The following TAF4B variants were observed in gnomAD, a reference collection of about 807,000 sequenced individuals.
The protein encoded by TAF4B is transcription initiation factor TFIID subunit 4B.
A neutral mutation model predicts 86.4 loss-of-function variants in TAF4B; 38 were observed. The observed-to-expected ratio is 0.44, with a 90% CI of 0.34 to 0.58. TAF4B has a LOEUF of 0.58. Among genes scored for constraint, TAF4B ranks in the 20% least tolerant of loss-of-function variants. The probability of loss-of-function intolerance (pLI) is 0.02; values close to 1 mark genes in which losing one functional copy is unlikely to be tolerated. For missense variants in TAF4B, 988 were observed against 1,027.6 expected, an observed-to-expected ratio of 0.96 and a Z score of 0.53; for synonymous variants, 388 against 391.2, an observed-to-expected ratio of 0.99 and a Z score of 0.10.
chr18:26,255,686 A>T, intron 1 of TAF4B: 2 of 1,530,124 alleles, frequency 1.3e-6, no homozygotes, highest in South Asian at 2.4e-5. Context: ...TTCTACATAA[A>T]AACCTCAGTC....
At chr18:26,358,075 A>T (rs920032012) in intron 14 of TAF4B, among the ~76,000 whole-genome samples, 6 of 151,820 alleles carry the variant, frequency 4.0e-5, no homozygotes. Context: ...TAAATTTTTT[A>T]TTTCTGTACA....
intron 14 of TAF4B, among the ~76,000 whole-genome samples, chr18:26,363,051 A>G (rs2057342991): frequency 6.6e-6 from 1 of 152,166 alleles, no homozygotes. Flanking sequence ...GCCATTTTAT[A>G]TCAGGGACTT....
intron 11 of TAF4B, among the ~76,000 whole-genome samples, chr18:26,322,792 CTCT>C (rs1181151482): frequency 1.3e-5 from 2 of 151,782 alleles, no homozygotes; most frequent in Non-Finnish European, 2.9e-5. Context: ...GCTTAGTTTG[CTCT>C]TCTTTTTTTT....
At chr18:26,358,989 ATAT>A (rs1431945311) in intron 14 of TAF4B, among the ~76,000 whole-genome samples, 1 of 152,110 alleles carries the variant, frequency 6.6e-6, no homozygotes, top group East Asian at 1.9e-4. Flanking sequence ...AACATATGAA[ATAT>A]TCTCCCCCTC....
chr18:26,247,193 G>A (rs1045226745), intron 1 of TAF4B, among the ~76,000 whole-genome samples: 4 of 152,138 alleles, frequency 2.6e-5, no homozygotes, highest in Non-Finnish European at 4.4e-5. Flanking sequence ...CAGCTATATT[G>A]TCTCTAAAAT....
intron 9 of TAF4B, among the ~76,000 whole-genome samples, chr18:26,297,173 T>A (rs2056674328): frequency 6.6e-6 from 1 of 151,184 alleles, no homozygotes; most frequent in Non-Finnish European, 1.5e-5. Flanking sequence ...TCTCTAAATT[T>A]AACATTTTAT....
chr18:26,229,494 C>CTTTTTTTTTTT (rs34261854), intron 1 of TAF4B, among the ~76,000 whole-genome samples: 44 of 129,362 alleles, frequency 3.4e-4, no homozygotes, highest in Non-Finnish European at 4.5e-4. Flanking sequence ...TTCTTTCTTT[C>CTTTTTTTTTTT]TTTTTTTTTT....
intron 11 of TAF4B, among the ~76,000 whole-genome samples, chr18:26,322,689 C>G (rs2056972644): frequency 6.6e-6 from 1 of 151,978 alleles, no homozygotes; most frequent in Non-Finnish European, 1.5e-5. Flanking sequence ...TTTCAAATAA[C>G]CAACTTTTGG....
At chr18:26,234,871 A>G (rs1478748299) in intron 1 of TAF4B, among the ~76,000 whole-genome samples, 1 of 152,228 alleles carries the variant, frequency 6.6e-6, no homozygotes, top group East Asian at 1.9e-4. Flanking sequence ...TTCCTTTGGC[A>G]CGTAGTGTGC....
chr18:26,278,692 C>A (rs796756521), intron 5 of TAF4B, among the ~76,000 whole-genome samples: 2 of 150,180 alleles, frequency 1.3e-5, no homozygotes, highest in Admixed American at 6.7e-5. Flanking sequence ...CATTGCCTTT[C>A]TTACCGGTAG....
chr18:26,379,905 A>AT (rs528960470), intron 14 of TAF4B, among the ~76,000 whole-genome samples: 1 of 150,070 alleles, frequency 6.7e-6, no homozygotes, highest in Non-Finnish European at 1.5e-5. Flanking sequence ...ACATAGGTAT[A>AT]TTTTTTTGAT....
At chr18:26,275,413 C>G (rs1229402789) in intron 5 of TAF4B, among the ~76,000 whole-genome samples, 2 of 152,164 alleles carry the variant, frequency 1.3e-5, no homozygotes, top group Admixed American at 1.3e-4. Context: ...GCCCTGACCT[C>G]CCAAAGCGTT....
In TAF4B at chr18:26,391,029, G is replaced by A. The variant is rs556143195; in HGVS notation, c.*1017G>A. ...TTTAGTTATCCTAATTTTTAAGCAT[G>A]TTGGCACATTTAAAAAATCCTAATT... On this transcript the variant is annotated 3_prime_UTR_variant, in exon 15 of 15. Transcript: ENST00000269142. 6.6e-6 allele frequency: 1 copy of A among 152,272 alleles called. No homozygotes were observed. Among genetic ancestry groups the A allele is most frequent in the African/African-American group, 2.4e-5 (1 of 41,558 alleles). The allele number at this position is 152,272 out of a possible 1,614,324, so 9.4% of individuals were successfully genotyped here. A position where few individuals can be genotyped will look rare whatever the true frequency, so the allele number is the denominator to read the frequency against.
chr18:26,283,064 AG>A (rs1473147582), intron 6 of TAF4B, among the ~76,000 whole-genome samples: 3 of 152,156 alleles, frequency 2.0e-5, no homozygotes, highest in Non-Finnish European at 4.4e-5. Flanking sequence ...AACCCCTCAT[AG>A]TCATCCATGA....
chr18:26,275,742 A>G (rs1193501722), intron 5 of TAF4B, among the ~76,000 whole-genome samples: 1 of 152,158 alleles, frequency 6.6e-6, no homozygotes, highest in Non-Finnish European at 1.5e-5. Flanking sequence ...TCTGCTGGGC[A>G]CAGTGGCTCA....
At chr18:26,234,793 T>C (rs1428472998) in intron 1 of TAF4B, among the ~76,000 whole-genome samples, 1 of 152,190 alleles carries the variant, frequency 6.6e-6, no homozygotes, top group African/African-American at 2.4e-5. Context: ...AAGTACATAT[T>C]TGAAGCACCG....
chr18:26,281,850 A>T, intron 5 of TAF4B, 121 bp from the exon 6 acceptor site: 1 of 646,624 alleles, frequency 1.5e-6, no homozygotes, highest in Non-Finnish European at 2.6e-6. Flanking sequence ...AAAAAAGCCT[A>T]TATTTAATTG....
rs1567914219 is a variant in TAF4B at position 26,346,883 on chromosome 18, A to ATATATATATATATATGTGTG, written c.2317-10792_2317-10791insGTGTGTATATATATATATAT. On this transcript the variant is annotated intron_variant, in intron 13 of 14. Coordinates refer to ENST00000269142, the MANE Select transcript of TAF4B (RefSeq NM_005640.3). ...TGTGTATATATATATATGTGTATATATATATATATATATATATGTGTGTGT... is the reference window on the plus strand; with the variant it reads ...TGTGTATATATATATATGTGTATATATATATATATATATATGTGTGTATATATATATATATATGTGTGTGT... 1.3e-3 allele frequency among the ~76,000 whole-genome samples: 10 copies of ATATATATATATATATGTGTG among 7,768 alleles called. 1 individual carries two copies. The highest frequency in any genetic ancestry group is 2.2e-3 in the African/African-American group (10 of 4,588). The allele number at this position is 7,768 out of a possible 152,430, so 5.1% of individuals were successfully genotyped here.
At chr18:26,341,774 AG>A (rs1407943057) in intron 13 of TAF4B, among the ~76,000 whole-genome samples, 1 of 152,190 alleles carries the variant, frequency 6.6e-6, no homozygotes, top group African/African-American at 2.4e-5. Flanking sequence ...GGCTTAAAAA[AG>A]ATCTTGTATT....
Sources: allele counts gnomAD v4.1 joint callset (sites outside exome capture counted in the v4.1 genomes callset), GRCh38; gene constraint gnomAD v4.1.1; transcripts MANE v1.5; gene names NCBI Gene and HGNC (gene_info 2026-07-23, HGNC 2026-07-21).